The following TRHDE variants were observed in gnomAD, a reference collection of about 807,000 sequenced individuals.
TRHDE encodes thyrotropin releasing hormone degrading enzyme.
In TRHDE, 72 loss-of-function variants were observed where a neutral mutation model predicts 125.7. The observed-to-expected ratio is 0.57, with a 90% confidence interval of 0.47 to 0.70. TRHDE has a LOEUF of 0.70. Among genes scored for constraint, TRHDE ranks in the 30% least tolerant of loss-of-function variants. TRHDE has a pLI of 0.00. For synonymous variants in TRHDE, 509 were observed against 509.1 expected, an observed-to-expected ratio of 1.00 and a Z score of 0.00; for missense variants, 1,110 against 1,327.1, an observed-to-expected ratio of 0.84 and a Z score of 2.54.
chr12:72,288,590 T>C (rs1879977652), intron 2 of TRHDE, among the ~76,000 whole-genome samples: 1 of 152,184 alleles, frequency 6.6e-6, no homozygotes, highest in African/African-American at 2.4e-5. Context: ...CGAAGACATC[T>C]CATTTCATTT....
Position 72,663,246 on chromosome 12 carries a change from A to G in TRHDE, c.*51A>G. The G allele has an allele frequency of 1.4e-6, 2 of 1,451,454 alleles. No homozygotes were observed. The highest frequency in any genetic ancestry group is 1.9e-6 in the Non-Finnish European group (2 of 1,081,010). 89.9% of individuals were successfully genotyped at this position (1,451,454 alleles called of 1,614,324 possible). On this transcript the variant is annotated 3_prime_UTR_variant, in exon 19 of 19. Transcript: ENST00000261180. Reference sequence around the variant, plus strand: ...TCAACTCAGAAGTTTATGAGAAGACACGCTTTTTGTGGAATGAGGAAAATG... The same window carrying G: ...TCAACTCAGAAGTTTATGAGAAGACGCGCTTTTTGTGGAATGAGGAAAATG...
intron 6 of TRHDE, among the ~76,000 whole-genome samples, chr12:72,537,291 C>G (rs1256674815): frequency 6.6e-6 from 1 of 151,986 alleles, no homozygotes; most frequent in African/African-American, 2.4e-5. Context: ...AATCTCATAT[C>G]GAATTGTCAT....
At chr12:72,473,674 C>G (rs191493298) in intron 5 of TRHDE, among the ~76,000 whole-genome samples, 1 of 152,006 alleles carries the variant, frequency 6.6e-6, no homozygotes, top group East Asian at 1.9e-4. Context: ...TCATATTATA[C>G]CTATACTTTA....
chr12:72,623,900 T>C (rs762223789), intron 15 of TRHDE, among the ~76,000 whole-genome samples: 3 of 152,054 alleles, frequency 2.0e-5, no homozygotes, highest in Non-Finnish European at 4.4e-5. Flanking sequence ...CTGCCACTTA[T>C]CTGTGGTAAA....
chr12:72,133,602 T>G (rs186727685), intron 2 of TRHDE, among the ~76,000 whole-genome samples: 2 of 152,188 alleles, frequency 1.3e-5, no homozygotes, highest in African/African-American at 4.8e-5. Context: ...AAAATTACAT[T>G]AACATCACAG....
intron 2 of TRHDE, among the ~76,000 whole-genome samples, chr12:72,151,871 C>A (rs1239633747): frequency 5.3e-5 from 8 of 152,210 alleles, no homozygotes; most frequent in Non-Finnish European, 1.0e-4. Flanking sequence ...ATTGACTTGG[C>A]AATGCAGGCT....
At chr12:72,494,581 A>G (rs1170770230) in intron 5 of TRHDE, among the ~76,000 whole-genome samples, 3 of 152,012 alleles carry the variant, frequency 2.0e-5, no homozygotes, top group South Asian at 2.1e-4. Context: ...GAACCTGCCA[A>G]CATCCTTACT....
At chr12:72,525,195 G>T (rs935513289) in intron 6 of TRHDE, among the ~76,000 whole-genome samples, 1 of 152,040 alleles carries the variant, frequency 6.6e-6, no homozygotes, top group African/African-American at 2.4e-5. Flanking sequence ...CAATTTAATG[G>T]TATTTTAAAA....
chr12:72,283,806 C>A (rs1879780923), intron 1 of TRHDE, among the ~76,000 whole-genome samples: 2 of 151,956 alleles, frequency 1.3e-5, no homozygotes, highest in Admixed American at 1.3e-4. Flanking sequence ...AAGGCTAATT[C>A]ATTCTAATTA....
chr12:72,600,503 G>A (rs1872166081), intron 12 of TRHDE, among the ~76,000 whole-genome samples: 1 of 151,850 alleles, frequency 6.6e-6, no homozygotes, highest in Admixed American at 6.6e-5. Context: ...ATTTTTGTGT[G>A]TGGCTATTGT....
chr12:72,507,014 C>T (rs988132437), intron 6 of TRHDE, among the ~76,000 whole-genome samples: 2 of 152,120 alleles, frequency 1.3e-5, no homozygotes, highest in Non-Finnish European at 2.9e-5. Context: ...ATGTATACCA[C>T]CTCACCCTAC....
intron 3 of TRHDE, among the ~76,000 whole-genome samples, chr12:72,417,414 T>A (rs1873777542): frequency 6.6e-6 from 1 of 152,050 alleles, no homozygotes; most frequent in Non-Finnish European, 1.5e-5. Context: ...CTTATTTGAT[T>A]ACTTTTTTAA....
At chr12:72,384,091 G>GCACT (rs1224292468) in intron 3 of TRHDE, among the ~76,000 whole-genome samples, 18 of 152,122 alleles carry the variant, frequency 1.2e-4, no homozygotes. Context: ...TAATTTAGGT[G>GCACT]CACTATAGTT....
intron 3 of TRHDE, among the ~76,000 whole-genome samples, chr12:72,406,818 C>T (rs1355831395): frequency 2.0e-5 from 3 of 152,158 alleles, no homozygotes; most frequent in Non-Finnish European, 4.4e-5. Flanking sequence ...CATAGCATTG[C>T]ACAGATTACT....
At position 72,432,453 on chromosome 12, in the gene TRHDE, TA is replaced by T. The variant is rs369171419; in HGVS notation, c.1316-37302del. Among the ~76,000 whole-genome samples, 5 of 152,294 alleles carry T rather than the reference TA, an allele frequency of 3.3e-5. No individual in the cohort carries two copies. In the East Asian group the frequency reaches 9.7e-4, roughly 29 times the overall value. ...TATAAGTAAACAACCTTGTTTAAGATAAATTCCCCCACAGTCCCTTGTACCT... is the reference window on the plus strand; with the variant it reads ...TATAAGTAAACAACCTTGTTTAAGATAATTCCCCCACAGTCCCTTGTACCT... On this transcript the variant is annotated intron_variant, in intron 3 of 18. Transcript: ENST00000261180.
chr12:72,523,707 T>C (rs570778392), intron 6 of TRHDE, among the ~76,000 whole-genome samples: 64 of 152,304 alleles, frequency 4.2e-4, no homozygotes, highest in African/African-American at 1.5e-3. Flanking sequence ...CCTTAAACAA[T>C]GAATTTCTTA....
chr12:72,394,125 C>A (rs1179171750), intron 3 of TRHDE, among the ~76,000 whole-genome samples: 2 of 152,164 alleles, frequency 1.3e-5, no homozygotes, highest in East Asian at 3.8e-4. Flanking sequence ...GAACCATTAT[C>A]AGGCTTACTT....
intron 2 of TRHDE, among the ~76,000 whole-genome samples, chr12:72,373,174 T>A (rs1421118698): frequency 6.6e-6 from 1 of 152,226 alleles, no homozygotes; most frequent in African/African-American, 2.4e-5. Context: ...AGTTCACTCA[T>A]GATTTGGCTC....
At chr12:72,108,895 T>C (rs1036691437) in intron 2 of TRHDE, among the ~76,000 whole-genome samples, 1 of 151,960 alleles carries the variant, frequency 6.6e-6, no homozygotes, top group African/African-American at 2.4e-5. Context: ...TGTAGGCCAC[T>C]GGGGAGGGAA....
Sources: gnomAD v4.1 joint callset for allele counts (sites outside exome capture counted in the v4.1 genomes callset) on GRCh38, gnomAD v4.1.1 for gene constraint, MANE v1.5 for transcripts, NCBI Gene and HGNC (gene_info 2026-07-23, HGNC 2026-07-21) for gene names.